NEUROD4: variants seen among roughly 807,000 people sequenced by gnomAD.
The protein encoded by NEUROD4 is neuronal differentiation 4.
Under a neutral mutation model 19.8 loss-of-function variants are expected in NEUROD4, and 16 were observed. The ratio of observed to expected loss-of-function variants is 0.81; its 90% CI spans 0.55 to 1.23. The LOEUF (loss-of-function observed/expected upper bound fraction) is 1.23. Among genes scored for constraint, NEUROD4 ranks in the 50% most tolerant of loss-of-function variants. The pLI is 0.00. For missense variants in NEUROD4, 439 were observed against 398.6 expected, an observed-to-expected ratio of 1.10 and a Z score of -0.86; for synonymous variants, 153 against 147.9, an observed-to-expected ratio of 1.03 and a Z score of -0.25.
At chr12:55,023,437 A>G (rs1402544050) in intron 1 of NEUROD4, among the ~76,000 whole-genome samples, 1 of 152,210 alleles carries the variant, frequency 6.6e-6, no homozygotes, top group Non-Finnish European at 1.5e-5. Context: ...TAGCATTTAC[A>G]GCTATAAAAT....
Position 55,027,001 on chromosome 12 carries a change from G to A in NEUROD4, c.562G>A (p.Asp188Asn), listed in dbSNP as rs151143558. ...PQSVLLEKHE[D>N]KSPICDSAIS... ...GTCTGTCCTCCTGGAGAAGCACGAG[G>A]ATAAATCTCCTATTTGTGACTCTGC... The change falls in exon 2 of 2, where the codon GAT becomes AAT. Residue 188 changes from aspartate to asparagine, a missense_variant. Coordinates refer to ENST00000242994, the MANE Select transcript of NEUROD4 (RefSeq NM_021191.3). The A allele has an allele frequency of 3.2e-3, 5,160 of 1,614,112 alleles. 11 individuals are homozygous for A. The highest frequency in any genetic ancestry group is 3.9e-3 in the Non-Finnish European group (4,587 of 1,180,020).
At position 55,027,060 on chromosome 12, in the gene NEUROD4, G is replaced by A. The variant is rs766479205; in HGVS notation, c.621G>A (p.Pro207=). 4.3e-6 allele frequency: 7 copies of A among 1,613,970 alleles called. No individual in the cohort carries two copies. The highest frequency in any genetic ancestry group is 1.1e-5 in the South Asian group (1 of 91,068). Residue 207 remains proline, a synonymous_variant, in exon 2 of 2, where the codon CCG becomes CCA. Transcript: ENST00000242994. The stretch of plus-strand genomic sequence containing the variant: ...TCCACAACTTCAACTATCAGTCTCC[G>A]GGGCTTCCTAGCCCTCCTTATGGTC... ...ISVHNFNYQS[P]GLPSPPYGHM... is the part of the protein sequence containing the mutation.
intron 1 of NEUROD4, among the ~76,000 whole-genome samples, chr12:55,022,212 T>C (rs1952678051): frequency 6.6e-6 from 1 of 152,096 alleles, no homozygotes; most frequent in African/African-American, 2.4e-5. Context: ...AATGAGTGAA[T>C]GATGAAACAG....
chr12:55,024,224 T>C (rs1952700495), intron 1 of NEUROD4, among the ~76,000 whole-genome samples: 1 of 152,174 alleles, frequency 6.6e-6, no homozygotes, highest in African/African-American at 2.4e-5. Flanking sequence ...GTACATCTCC[T>C]GAAGCCAAAG....
intron 1 of NEUROD4, among the ~76,000 whole-genome samples, chr12:55,021,283 T>A (rs1351428634): frequency 6.6e-6 from 1 of 152,214 alleles, no homozygotes; most frequent in African/African-American, 2.4e-5. Context: ...CTTGTGAACA[T>A]CCTGATTTGG....
rs1952760062 is a variant in NEUROD4 at position 55,028,628 on chromosome 12, C to A, written c.*1193C>A. 2 of 166,982 alleles carry A rather than the reference C, an allele frequency of 1.2e-5. No individual in the cohort carries two copies. The highest frequency in any genetic ancestry group is 2.9e-5 in the Non-Finnish European group (2 of 68,114). The allele number at this position is 166,982 out of a possible 1,614,324, so 10.3% of individuals were successfully genotyped here. On this transcript the variant is annotated 3_prime_UTR_variant, in exon 2 of 2. Coordinates refer to ENST00000242994, the MANE Select transcript of NEUROD4 (RefSeq NM_021191.3). ...ATTTATTGATCAAGGTTAAATTTTTCCAACATATATGTAGTTCCTTATCTC... is the reference window on the plus strand; with the variant it reads ...ATTTATTGATCAAGGTTAAATTTTTACAACATATATGTAGTTCCTTATCTC...
Position 55,026,511 on chromosome 12 carries a change from T to A in NEUROD4, c.72T>A (p.Gly24=), listed in dbSNP as rs777631187. Residue 24 remains glycine (G), a synonymous_variant, in exon 2 of 2, where the codon GGT becomes GGA. Coordinates refer to ENST00000242994, the MANE Select transcript of NEUROD4 (RefSeq NM_021191.3). ...ACACACCATCCTGGATGGATAAAGG[T>A]CTGGGCTCCCAAAATGAGGTGAAGG... The part of the protein sequence containing the change: ...LVNTPSWMDK[G]LGSQNEVKEE... The A allele has an allele frequency of 6.2e-7, 1 of 1,613,932 alleles. No homozygotes were observed. The highest frequency in any genetic ancestry group is 1.1e-5 in the South Asian group (1 of 91,078).
intron 1 of NEUROD4, among the ~76,000 whole-genome samples, chr12:55,024,362 C>T (rs577893016): frequency 6.6e-6 from 1 of 152,236 alleles, no homozygotes; most frequent in East Asian, 1.9e-4. Flanking sequence ...TTTGCATTTC[C>T]ATCACTTAAA....
chr12:55,027,179 C>A lies in NEUROD4; in HGVS notation c.740C>A (p.Pro247His), dbSNP rs1418417809. The A allele has an allele frequency of 6.2e-7, 1 of 1,614,048 alleles. No individual in the cohort carries two copies. The highest frequency in any genetic ancestry group is 1.7e-5 in the Admixed American group (1 of 60,016). Residue 247 changes from proline (P) to histidine (H), a missense_variant, in exon 2 of 2, where the codon CCC (proline) becomes CAC (histidine). Coordinates refer to ENST00000242994, the MANE Select transcript of NEUROD4 (RefSeq NM_021191.3). Reference sequence around the variant, plus strand: ...AGCCATCTGCCTGACTGCAGTACACCCCCTTATGAGGGCCCACTCACTCCA... The same window carrying A: ...AGCCATCTGCCTGACTGCAGTACACACCCTTATGAGGGCCCACTCACTCCA... The part of the protein sequence containing the change: ...FGSHLPDCST[P>H]PYEGPLTPPL...
intron 1 of NEUROD4, among the ~76,000 whole-genome samples, chr12:55,023,363 G>A (rs1235638943): frequency 6.6e-6 from 1 of 152,100 alleles, no homozygotes; most frequent in African/African-American, 2.4e-5. Flanking sequence ...ATAAGCAAAC[G>A]TGTGTGAATA....
Position 55,020,050 on chromosome 12 carries a change from G to A in NEUROD4, c.-273G>A, listed in dbSNP as rs1446266389. The A allele has an allele frequency of 6.6e-6, 1 of 152,364 alleles. No homozygotes were observed. The highest frequency in any genetic ancestry group is 2.4e-5 in the African/African-American group (1 of 41,454). The allele number at this position is 152,364 out of a possible 1,614,324, so 9.4% of individuals were successfully genotyped here. A position where few individuals can be genotyped will look rare whatever the true frequency, so the allele number is the denominator to read the frequency against. On this transcript the variant is annotated 5_prime_UTR_variant, in exon 1 of 2. Transcript: ENST00000242994. ...GAGCTAACCAGGGAGAGGAGGTACT[G>A]AAGAGCGACTAAACTGGCTGCAGCG...
In NEUROD4 at chr12:55,027,381, T is replaced by C; in HGVS notation, c.942T>C (p.Asp314=). The C allele has an allele frequency of 1.9e-6, 3 of 1,613,806 alleles. No individual in the cohort carries two copies. Among genetic ancestry groups the C allele is most frequent in the Non-Finnish European group, 2.5e-6 (3 of 1,179,788 alleles). The change falls in exon 2 of 2, where the codon GAT becomes GAC. Residue 314 remains aspartate (D), a synonymous_variant. Transcript: ENST00000242994. ...RYDVPIDMSY[D]SYPHHGIGTQ... is the part of the protein sequence containing the mutation. ...ATGTTCCTATAGACATGTCCTATGA[T>C]TCCTACCCCCATCATGGTATTGGGA...
intron 1 of NEUROD4, among the ~76,000 whole-genome samples, chr12:55,020,819 C>A (rs1217877483): frequency 6.6e-6 from 1 of 152,092 alleles, no homozygotes; most frequent in Non-Finnish European, 1.5e-5. Flanking sequence ...AGATTCTCAC[C>A]ATTAACTATT....
In NEUROD4 at chr12:55,029,948, A is replaced by C. The variant is rs965276512; in HGVS notation, c.*2513A>C. On this transcript the variant is annotated 3_prime_UTR_variant, in exon 2 of 2. Coordinates refer to ENST00000242994, the MANE Select transcript of NEUROD4 (RefSeq NM_021191.3). ...GATAAAGTAAAATAATTGTTTAAAT[A>C]TTTTGTTTAAAATATGACTGTTTTT... The C allele has an allele frequency of 1.8e-5, 3 of 166,942 alleles. No individual in the cohort carries two copies. The South Asian group carries it at 6.2e-4, about 35-fold the overall frequency. The allele number at this position is 166,942 out of a possible 1,614,324, so 10.3% of individuals were successfully genotyped here.
chr12:55,024,738 A>G (rs969172285), intron 1 of NEUROD4, among the ~76,000 whole-genome samples: 1 of 152,182 alleles, frequency 6.6e-6, no homozygotes, highest in African/African-American at 2.4e-5. Context: ...GTTGACCAAT[A>G]AGTTCCAATG....
In NEUROD4 at chr12:55,027,187, G is replaced by A. The variant is rs1367210290; in HGVS notation, c.748G>A (p.Glu250Lys). 1.2e-6 allele frequency: 2 copies of A among 1,614,040 alleles called. No homozygotes were observed. Among genetic ancestry groups the A allele is most frequent in the Non-Finnish European group, 1.7e-6 (2 of 1,179,998 alleles). The stretch of plus-strand genomic sequence containing the variant: ...GCCTGACTGCAGTACACCCCCTTAT[G>A]AGGGCCCACTCACTCCACCCCTGAG... ...HLPDCSTPPYEGPLTPPLSIS... is the reference protein window; with the variant it reads ...HLPDCSTPPYKGPLTPPLSIS... The change falls in exon 2 of 2, where the codon GAG (glutamate) becomes AAG (lysine). Residue 250 changes from glutamate to lysine, a missense_variant. Physicochemically the swap from Glu to Lys is moderately conservative, Grantham distance 56. Transcript: ENST00000242994.
intron 1 of NEUROD4, among the ~76,000 whole-genome samples, chr12:55,021,355 C>T (rs1224423576): frequency 6.6e-6 from 1 of 152,136 alleles, no homozygotes; most frequent in African/African-American, 2.4e-5. Context: ...CTATTTAGTT[C>T]TTAGATTTCC....
rs148766358 is a variant in NEUROD4 at position 55,026,837 on chromosome 12, G to A, written c.398G>A (p.Arg133Lys). The A allele has an allele frequency of 5.3e-4, 855 of 1,614,134 alleles. No individual in the cohort carries two copies. Among genetic ancestry groups the A allele is most frequent in the Non-Finnish European group, 6.7e-4 (795 of 1,180,006 alleles). Residue 133 changes from arginine (R) to lysine (K), a missense_variant, in exon 2 of 2, where the codon AGG (arginine) becomes AAG (lysine). By Grantham distance (26) the Arg-to-Lys change is conservative (BLOSUM62 2). Coordinates refer to ENST00000242994, the MANE Select transcript of NEUROD4 (RefSeq NM_021191.3). Reference protein sequence around the residue: ...LSKIETLRLARNYIWALSEVL... With the variant: ...LSKIETLRLAKNYIWALSEVL... Reference sequence around the variant, plus strand: ...AAGATAGAGACTCTTAGACTGGCCAGGAACTATATTTGGGCTTTATCTGAA... The same window carrying A: ...AAGATAGAGACTCTTAGACTGGCCAAGAACTATATTTGGGCTTTATCTGAA...
chr12:55,020,969 C>A (rs1036038832), intron 1 of NEUROD4, among the ~76,000 whole-genome samples: 1 of 151,748 alleles, frequency 6.6e-6, no homozygotes, highest in African/African-American at 2.4e-5. Flanking sequence ...ATCATTTGCC[C>A]GCAAAAAAAG....
Sources: gnomAD v4.1 joint callset for allele counts (sites outside exome capture counted in the v4.1 genomes callset) on GRCh38, gnomAD v4.1.1 for gene constraint, MANE v1.5 for transcripts, NCBI Gene and HGNC (gene_info 2026-07-23, HGNC 2026-07-21) for gene names.